TTC27: variants seen among roughly 807,000 people sequenced by gnomAD.
TTC27 encodes tetratricopeptide repeat protein 27.
A neutral mutation model predicts 115.9 loss-of-function variants in TTC27; 79 were observed. The observed-to-expected ratio is 0.68, with a 90% CI of 0.57 to 0.82. The LOEUF is 0.82. Among genes scored for constraint, TTC27 ranks in the 40% least tolerant of loss-of-function variants. The probability of loss-of-function intolerance (pLI) is 0.00; values close to 1 mark genes in which losing one functional copy is unlikely to be tolerated. For synonymous variants in TTC27, 401 were observed against 356.0 expected (o/e 1.13, Z -1.42); for missense variants, 1,054 against 993.1 (o/e 1.06, Z -0.82).
In TTC27 at chr2:32,706,847, GC is replaced by G. The variant is rs1667388667; in HGVS notation, c.1233+3929del. ...TCAAAGTGTTGGATTACAGGCGTGA[GC>G]CACTGCGCCTGGCCCCCTTCTTTAT... is the stretch of plus-strand genomic sequence containing the variant. On this transcript the variant is annotated intron_variant, in intron 10 of 19. Coordinates refer to ENST00000317907, the MANE Select transcript of TTC27 (RefSeq NM_017735.5). Among the ~76,000 whole-genome samples, 7 of 152,350 alleles carry G rather than the reference GC, an allele frequency of 4.6e-5. No homozygotes were observed. In the South Asian group the frequency reaches 1.4e-3, roughly 32 times the overall value.
chr2:32,733,309 A>T (rs562960396), intron 10 of TTC27, among the ~76,000 whole-genome samples: 1 of 152,326 alleles, frequency 6.6e-6, no homozygotes, highest in East Asian at 1.9e-4. Context: ...CACTGTATAG[A>T]TGGTCTCACA....
At chr2:32,812,706 T>A in intron 18 of TTC27, 91 bp downstream of exon 18, 1 of 914,864 alleles carries the variant, frequency 1.1e-6, no homozygotes, top group Non-Finnish European at 1.7e-6. Context: ...AGTTCCATTA[T>A]AAATAGTATC....
intron 10 of TTC27, among the ~76,000 whole-genome samples, chr2:32,708,790 G>A (rs542740931): frequency 5.0e-4 from 76 of 151,958 alleles, no homozygotes; most frequent in African/African-American, 1.8e-3. Context: ...ATGAGGAAGG[G>A]GCTTTCTCCT....
At chr2:32,663,846 G>T (rs753517493) in intron 5 of TTC27, among the ~76,000 whole-genome samples, 1 of 151,956 alleles carries the variant, frequency 6.6e-6, no homozygotes. Flanking sequence ...CACTATGCCC[G>T]GCTAATTTTT....
chr2:32,741,537 A>T lies in TTC27; in HGVS notation c.1452+4721A>T, dbSNP rs6748223. On this transcript the variant is annotated intron_variant, in intron 12 of 19. Coordinates refer to ENST00000317907, the MANE Select transcript of TTC27 (RefSeq NM_017735.5). ...CGTGGTGGCATGTGCCTGTAGTCCC[A>T]GCTACTTGGGAGGCTGAGGCAGGAG... is the stretch of plus-strand genomic sequence containing the variant. Among the ~76,000 whole-genome samples the T allele has an allele frequency of 1.9e-3, 289 of 151,950 alleles. 1 individual carries two copies. Among genetic ancestry groups the T allele is most frequent in the South Asian group, 2.5e-3 (12 of 4,806 alleles).
At chr2:32,770,218 C>G (rs1669781605) in intron 13 of TTC27, among the ~76,000 whole-genome samples, 1 of 152,090 alleles carries the variant, frequency 6.6e-6, no homozygotes, top group African/African-American at 2.4e-5. Flanking sequence ...TTACTCAGTG[C>G]CAGGTACTGT....
At chr2:32,751,849 A>G (rs1277319167) in intron 12 of TTC27, among the ~76,000 whole-genome samples, 2 of 152,232 alleles carry the variant, frequency 1.3e-5, no homozygotes, top group Non-Finnish European at 2.9e-5. Flanking sequence ...ATTCAAAGAT[A>G]GGAACTGGGT....
chr2:32,698,471 G>C (rs1259928048), intron 9 of TTC27, among the ~76,000 whole-genome samples: 1 of 104,282 alleles, frequency 9.6e-6, no homozygotes, highest in Non-Finnish European at 2.3e-5. Flanking sequence ...TTAGCATTTG[G>C]AACATGTTGT....
chr2:32,802,133 G>A (rs1670968729), intron 16 of TTC27, among the ~76,000 whole-genome samples: 1 of 151,968 alleles, frequency 6.6e-6, no homozygotes. Context: ...AAAAAACAGA[G>A]ATTAAAGAAT....
intron 10 of TTC27, among the ~76,000 whole-genome samples, chr2:32,724,800 TA>T (rs1439509721): frequency 1.3e-5 from 2 of 152,280 alleles, no homozygotes; most frequent in Admixed American, 1.3e-4. Context: ...TAATTGACAA[TA>T]TTTGTTACTG....
At chr2:32,791,068 T>C (rs1378470552) in intron 16 of TTC27, among the ~76,000 whole-genome samples, 1 of 152,226 alleles carries the variant, frequency 6.6e-6, no homozygotes, top group Non-Finnish European at 1.5e-5. Context: ...ATAATAGCAC[T>C]TATTTGTATT....
chr2:32,716,389 C>T (rs1446451572), intron 10 of TTC27, among the ~76,000 whole-genome samples: 2 of 152,280 alleles, frequency 1.3e-5, no homozygotes, highest in Non-Finnish European at 2.9e-5. Flanking sequence ...AATTAGTTCA[C>T]TCAGGAGGAT....
At chr2:32,639,294 G>A (rs192789568) in intron 3 of TTC27, among the ~76,000 whole-genome samples, 64 of 152,254 alleles carry the variant, frequency 4.2e-4, no homozygotes, top group African/African-American at 1.5e-3. Context: ...ATTCTTGCTC[G>A]CTATTGTATG....
intron 10 of TTC27, among the ~76,000 whole-genome samples, chr2:32,720,912 AG>A (rs1275975005): frequency 6.6e-6 from 1 of 152,190 alleles, no homozygotes; most frequent in Non-Finnish European, 1.5e-5. Context: ...CACAGAAGTA[AG>A]TTCACATGCA....
At chr2:32,640,457 C>T (rs765461851) in intron 4 of TTC27, 47 bp downstream of exon 4, 23 of 1,571,442 alleles carry the variant, frequency 1.5e-5, no homozygotes, top group Non-Finnish European at 1.7e-5. Flanking sequence ...GACTTTTGTG[C>T]TTATTAACAC....
At chr2:32,719,173 C>T (rs1044355683) in intron 10 of TTC27, among the ~76,000 whole-genome samples, 3 of 152,146 alleles carry the variant, frequency 2.0e-5, no homozygotes, top group Non-Finnish European at 4.4e-5. Context: ...TACAGGGTCA[C>T]CCTCACCAGA....
At chr2:32,761,048 C>T (rs148465518) in intron 13 of TTC27, among the ~76,000 whole-genome samples, 17 of 152,184 alleles carry the variant, frequency 1.1e-4, no homozygotes, top group African/African-American at 4.1e-4. Context: ...CCTGTTTTCT[C>T]CCCTGAACTC....
rs779127737 is a variant in TTC27, at chr2:32,811,091, G to C, written c.2066G>C (p.Gly689Ala). The C allele has an allele frequency of 5.0e-6, 8 of 1,614,034 alleles. No individual in the cohort carries two copies. The African/African-American group carries it at 9.3e-5, about 19-fold the overall frequency. Residue 689 changes from glycine to alanine, a missense_variant, in exon 17 of 20, where the codon GGC (glycine) becomes GCC (alanine). Coordinates refer to ENST00000317907, the MANE Select transcript of TTC27 (RefSeq NM_017735.5). ...MTDRSGDVAT[G>A]LKGKLQELFG... ...GATCGAAGTGGAGATGTTGCAACTG[G>C]CCTCAAAGGAAAGCTGCAGGAGTTA...
At chr2:32,667,347 C>G (rs1237992772) in intron 7 of TTC27, among the ~76,000 whole-genome samples, 1 of 151,672 alleles carries the variant, frequency 6.6e-6, no homozygotes, top group Non-Finnish European at 1.5e-5. Context: ...ATAGTCCACT[C>G]CAGCTGCTTC....
Sources: allele counts gnomAD v4.1 joint callset (sites outside exome capture counted in the v4.1 genomes callset), GRCh38; gene constraint gnomAD v4.1.1; transcripts MANE v1.5; gene names NCBI Gene and HGNC (gene_info 2026-07-23, HGNC 2026-07-21).